Variants in ITCH observed in about 807,000 individuals in gnomAD.
ITCH encodes itchy E3 ubiquitin protein ligase.
Under a neutral mutation model 126.8 loss-of-function variants are expected in ITCH, and 28 were observed. The observed-to-expected ratio is 0.22, with a 90% CI of 0.16 to 0.30. The LOEUF is 0.30. Among genes scored for constraint, ITCH ranks in the 10% least tolerant of loss-of-function variants. The pLI, the probability that ITCH is intolerant of heterozygous loss-of-function variation, is 1.00. For synonymous variants in ITCH, 342 were observed against 340.0 expected, an observed-to-expected ratio of 1.01 and a Z score of -0.06; for missense variants, 631 against 1,032.4, an observed-to-expected ratio of 0.61 and a Z score of 5.33.
chr20:34,495,097 CA>C (rs71194611), intron 23 of ITCH, among the ~76,000 whole-genome samples: 54,995 of 110,286 alleles, frequency 0.5, 12,149 homozygotes, highest in Non-Finnish European at 0.55. Flanking sequence ...ACGAAAAATA[CA>C]AAAAAAAAAA....
intron 3 of ITCH, among the ~76,000 whole-genome samples, chr20:34,399,965 A>T: frequency 6.6e-6 from 1 of 151,500 alleles, no homozygotes; most frequent in Non-Finnish European, 1.5e-5. Flanking sequence ...TTTAAGACGG[A>T]GTCTCGCTCT....
Position 34,440,249 on chromosome 20 carries a change from A to G in ITCH, c.774A>G (p.Glu258=), listed in dbSNP as rs1184865451. ...CAAATACAAATACAAATACATCTGA[A>G]GGAGCAACATCTGGATTAATAATTC... is the stretch of plus-strand genomic sequence containing the variant. ...PPTNTNTNTS[E]GATSGLIIPL... The change falls in exon 9 of 25, where the codon GAA becomes GAG. Residue 258 remains glutamate (E), a synonymous_variant. Coordinates refer to ENST00000374864, the MANE Select transcript of ITCH (RefSeq NM_031483.7). The G allele has an allele frequency of 1.2e-6, 2 of 1,613,684 alleles. No homozygotes were observed. The highest frequency in any genetic ancestry group is 1.7e-6 in the Non-Finnish European group (2 of 1,179,550).
Position 34,393,790 on chromosome 20 carries a change from G to C in ITCH, c.-21-1G>C, listed in dbSNP as rs747370321. Reference sequence around the variant, plus strand: ...TACAGTGTCTCCTTTGCCATGTTCAGGTTTTCCAACCTATTGGTGGTATGT... The same window carrying C: ...TACAGTGTCTCCTTTGCCATGTTCACGTTTTCCAACCTATTGGTGGTATGT... On this transcript the variant is annotated splice_acceptor_variant, in intron 2 of 24. Transcript: ENST00000374864. LOFTEE classifies it low-confidence loss of function (5UTR_SPLICE). 10 of 1,592,716 alleles carry C rather than the reference G, an allele frequency of 6.3e-6. No homozygotes were observed. Among genetic ancestry groups the C allele is most frequent in the Non-Finnish European group, 8.6e-6 (10 of 1,160,646 alleles).
Position 34,499,195 on chromosome 20 carries a change from C to T in ITCH, c.2417-5136C>T, listed in dbSNP as rs1220313328. On this transcript the variant is annotated intron_variant, in intron 23 of 24. Transcript: ENST00000374864. ...TTCACCGCGTTAGCCAGGATGGTCTCGATGTCCTGACCTTGTGATCCGCCC... is the reference window on the plus strand; with the variant it reads ...TTCACCGCGTTAGCCAGGATGGTCTTGATGTCCTGACCTTGTGATCCGCCC... 4.5e-4 allele frequency among the ~76,000 whole-genome samples: 64 copies of T among 142,644 alleles called. 1 individual carries two copies. Among genetic ancestry groups the T allele is most frequent in the East Asian group, 4.5e-4 (2 of 4,448 alleles). The allele number at this position is 142,644 out of a possible 152,430, so 93.6% of individuals were successfully genotyped here. A position where few individuals can be genotyped will look rare whatever the true frequency, so the allele number is the denominator to read the frequency against.
chr20:34,470,697 A>G, intron 15 of ITCH, among the ~76,000 whole-genome samples: 1 of 151,996 alleles, frequency 6.6e-6, no homozygotes, highest in East Asian at 1.9e-4. Flanking sequence ...GGCTCAAGTG[A>G]TCCTCTTGCC....
intron 20 of ITCH, among the ~76,000 whole-genome samples, chr20:34,484,212 A>G (rs547468635): frequency 6.6e-6 from 1 of 152,296 alleles, no homozygotes; most frequent in South Asian, 2.1e-4. Flanking sequence ...CTTTCTGATT[A>G]TTTCCATTGG....
At chr20:34,489,983 T>C in intron 22 of ITCH, 57 bp downstream of exon 22, 1 of 1,288,758 alleles carries the variant, frequency 7.8e-7, no homozygotes, top group Admixed American at 1.7e-5. Context: ...TAGAATTTGC[T>C]TACCACATAT....
intron 4 of ITCH, among the ~76,000 whole-genome samples, chr20:34,411,446 G>T (rs559979879): frequency 1.3e-5 from 2 of 152,234 alleles, no homozygotes; most frequent in East Asian, 3.9e-4. Context: ...GAGCCATTGC[G>T]CCTGGCCGAG....
chr20:34,466,525 AT>A, intron 14 of ITCH: 2 of 457,410 alleles, frequency 4.4e-6, no homozygotes, highest in South Asian at 3.4e-5. Context: ...GGTAATTTAG[AT>A]ATGGGAATAA....
At chr20:34,377,259 A>G (rs532619952) in intron 2 of ITCH, among the ~76,000 whole-genome samples, 20 of 152,254 alleles carry the variant, frequency 1.3e-4, no homozygotes, top group Non-Finnish European at 2.4e-4. Context: ...CTGTAGTCCT[A>G]GCTACTTGGG....
At chr20:34,433,433 T>G (rs1032320017) in intron 7 of ITCH, among the ~76,000 whole-genome samples, 1 of 152,178 alleles carries the variant, frequency 6.6e-6, no homozygotes, top group Admixed American at 6.5e-5. Context: ...GTAATCACAC[T>G]TTGGGAGGCC....
chr20:34,482,637 C>T (rs112694890), intron 20 of ITCH, among the ~76,000 whole-genome samples: 3 of 152,230 alleles, frequency 2.0e-5, no homozygotes, highest in Non-Finnish European at 4.4e-5. Context: ...GTATAGCCCC[C>T]CACCGGCTGC....
intron 8 of ITCH, among the ~76,000 whole-genome samples, chr20:34,439,641 T>C (rs1249528168): frequency 6.6e-6 from 1 of 152,244 alleles, no homozygotes; most frequent in Non-Finnish European, 1.5e-5. Context: ...TTTATTATAA[T>C]CTTGGTGACT....
intron 2 of ITCH, among the ~76,000 whole-genome samples, chr20:34,372,910 T>C (rs2037695183): frequency 6.6e-6 from 1 of 152,198 alleles, no homozygotes; most frequent in Admixed American, 6.5e-5. Flanking sequence ...AAGAGTTTCA[T>C]TGCATTGCAA....
At chr20:34,456,919 G>GAA (rs985108865) in intron 12 of ITCH, among the ~76,000 whole-genome samples, 1 of 141,002 alleles carries the variant, frequency 7.1e-6, no homozygotes. Context: ...ATGTAGTATG[G>GAA]AAAAAAAAAA....
chr20:34,425,945 C>G (rs6058040), intron 7 of ITCH, among the ~76,000 whole-genome samples: 68,785 of 152,158 alleles, frequency 0.45, 16,058 homozygotes, highest in Non-Finnish European at 0.5. Flanking sequence ...TCTCTCGTCT[C>G]CACCTGACGA....
At chr20:34,459,810 A>G (rs1165526059) in intron 13 of ITCH, among the ~76,000 whole-genome samples, 1 of 152,214 alleles carries the variant, frequency 6.6e-6, no homozygotes, top group East Asian at 1.9e-4. Context: ...CTACCAACAA[A>G]TGACCATTTT....
chr20:34,385,432 C>A (rs1330126137), intron 2 of ITCH, among the ~76,000 whole-genome samples: 1 of 151,870 alleles, frequency 6.6e-6, no homozygotes, highest in Non-Finnish European at 1.5e-5. Context: ...TTCACACAAG[C>A]ATTGTTTGCA....
chr20:34,458,773 T>A (rs1986251411), intron 13 of ITCH, among the ~76,000 whole-genome samples: 1 of 152,224 alleles, frequency 6.6e-6, no homozygotes, highest in Non-Finnish European at 1.5e-5. Context: ...AATTTCCTGT[T>A]TATAAGGACG....
Sources: gnomAD v4.1 joint callset for allele counts (sites outside exome capture counted in the v4.1 genomes callset) on GRCh38, gnomAD v4.1.1 for gene constraint, MANE v1.5 for transcripts, NCBI Gene and HGNC (gene_info 2026-07-23, HGNC 2026-07-21) for gene names.